Variants in GSG1L observed in about 807,000 individuals in gnomAD.
GSG1L encodes the protein GSG1 like.
GSG1L carries 24 observed loss-of-function variants against 42.1 expected under a neutral mutation model. The observed-to-expected ratio is 0.57, with a 90% CI of 0.41 to 0.80. The LOEUF is 0.80. Among genes scored for constraint, GSG1L ranks in the 30% least tolerant of loss-of-function variants. GSG1L has a pLI of 0.00. For synonymous variants in GSG1L, 215 were observed against 203.5 expected (o/e 1.06, Z -0.48); for missense variants, 445 against 472.2 (o/e 0.94, Z 0.53).
chr16:28,056,632 T>A (rs934785907), intron 1 of GSG1L, among the ~76,000 whole-genome samples: 7 of 147,376 alleles, frequency 4.7e-5, no homozygotes, highest in Non-Finnish European at 1.1e-4. Context: ...AAATATATAT[T>A]AAAAAAAAAA....
chr16:28,016,213 T>A (rs1171422561), intron 1 of GSG1L, among the ~76,000 whole-genome samples: 1 of 152,140 alleles, frequency 6.6e-6, no homozygotes, highest in Admixed American at 6.5e-5. Context: ...GGTCTTGAAC[T>A]CCTGACCTCA....
At chr16:27,856,401 A>G (rs2083578197) in intron 3 of GSG1L, among the ~76,000 whole-genome samples, 1 of 152,002 alleles carries the variant, frequency 6.6e-6, no homozygotes, top group Non-Finnish European at 1.5e-5. Flanking sequence ...GCAGCCTTCA[A>G]CTCCTGGGCT....
intron 6 of GSG1L, among the ~76,000 whole-genome samples, chr16:27,798,875 A>C (rs539484720): frequency 2.6e-4 from 39 of 152,250 alleles, no homozygotes; most frequent in African/African-American, 9.4e-4. Flanking sequence ...CCAAGGTCAC[A>C]AGCTTGTCCC....
chr16:27,836,249 G>T (rs780123078), intron 4 of GSG1L, among the ~76,000 whole-genome samples: 2 of 150,500 alleles, frequency 1.3e-5, no homozygotes, highest in Non-Finnish European at 3.0e-5. Context: ...CCTGTAGTTA[G>T]GGAGGATGTT....
intron 4 of GSG1L, among the ~76,000 whole-genome samples, chr16:27,834,131 GT>G (rs2083299043): frequency 1.3e-5 from 2 of 152,030 alleles, no homozygotes; most frequent in Non-Finnish European, 2.9e-5. Context: ...TTTTCTGAGA[GT>G]TTTTTAAAAA....
intron 1 of GSG1L, among the ~76,000 whole-genome samples, chr16:28,018,356 G>A (rs1405222944): frequency 1.3e-5 from 2 of 152,172 alleles, no homozygotes; most frequent in African/African-American, 2.4e-5. Flanking sequence ...TTCTCCTAGA[G>A]GCACAAGATG....
intron 1 of GSG1L, among the ~76,000 whole-genome samples, chr16:28,012,556 G>A (rs1428347871): frequency 2.7e-5 from 4 of 150,444 alleles, no homozygotes; most frequent in Non-Finnish European, 5.9e-5. Flanking sequence ...AACTTAGAGT[G>A]CAGATTGACC....
At chr16:28,014,912 A>C (rs2085762899) in intron 1 of GSG1L, among the ~76,000 whole-genome samples, 1 of 152,134 alleles carries the variant, frequency 6.6e-6, no homozygotes, top group African/African-American at 2.4e-5. Context: ...TCCTCTCGGG[A>C]AAGGAGCTGC....
intron 1 of GSG1L, among the ~76,000 whole-genome samples, chr16:28,017,570 A>G (rs527576308): frequency 1.3e-5 from 2 of 152,354 alleles, no homozygotes; most frequent in Non-Finnish European, 2.9e-5. Flanking sequence ...AGACATCTCA[A>G]CTGTCTGTCA....
intron 2 of GSG1L, among the ~76,000 whole-genome samples, chr16:27,943,325 C>T (rs1158881449): frequency 4.6e-5 from 7 of 151,820 alleles, no homozygotes; most frequent in Admixed American, 1.3e-4. Context: ...TGAAAATGAC[C>T]CAAATATCCA....
At chr16:27,849,861 G>T (rs1041268157) in intron 3 of GSG1L, among the ~76,000 whole-genome samples, 3 of 150,668 alleles carry the variant, frequency 2.0e-5, no homozygotes, top group Middle Eastern at 3.2e-3. Flanking sequence ...AATAGGACTC[G>T]CTGTTGGGCT....
At chr16:28,033,786 T>C (rs1244079964) in intron 1 of GSG1L, among the ~76,000 whole-genome samples, 2 of 152,216 alleles carry the variant, frequency 1.3e-5, no homozygotes, top group African/African-American at 2.4e-5. Flanking sequence ...TTAATATTGA[T>C]CATTATTATG....
At chr16:27,900,822 TA>T (rs58590954) in intron 2 of GSG1L, among the ~76,000 whole-genome samples, 99,720 of 147,222 alleles carry the variant, frequency 0.68, 34,277 homozygotes, top group South Asian at 0.79. Flanking sequence ...ATCAAAACAT[TA>T]AAAAAAAAAA....
chr16:27,850,460 T>C, intron 3 of GSG1L: 1 of 450,846 alleles, frequency 2.2e-6, no homozygotes, highest in South Asian at 1.6e-5. Flanking sequence ...AATAACACAA[T>C]GTGCCTAGAA....
chr16:27,829,460 C>A (rs1466751973), intron 4 of GSG1L, among the ~76,000 whole-genome samples: 1 of 152,126 alleles, frequency 6.6e-6, no homozygotes, highest in Non-Finnish European at 1.5e-5. Context: ...GGCAGACACC[C>A]TAAAAGCTCA....
chr16:27,960,796 C>G (rs949289025), intron 2 of GSG1L, among the ~76,000 whole-genome samples: 1 of 152,108 alleles, frequency 6.6e-6, no homozygotes, highest in Non-Finnish European at 1.5e-5. Context: ...ACAGCGAGTA[C>G]GTGAAAATCA....
intron 1 of GSG1L, among the ~76,000 whole-genome samples, chr16:27,980,901 C>CAAAAAAAAAAAAAAAAAAAAAAAAAA (rs11390148): frequency 7.9e-6 from 1 of 127,046 alleles, no homozygotes; most frequent in Non-Finnish European, 1.6e-5. Flanking sequence ...AACCAAAAAA[C>CAAAAAAAAAAAAAAAAAAAAAAAAAA]AAAAAAAAAA....
chr16:27,897,379 A>G (rs2084203569), intron 2 of GSG1L, among the ~76,000 whole-genome samples: 1 of 151,792 alleles, frequency 6.6e-6, no homozygotes, highest in Middle Eastern at 3.2e-3. Flanking sequence ...GCTCACTGCA[A>G]CCTCCAACTC....
chr16:27,979,769 G>A lies in GSG1L; in HGVS notation c.350-16566C>T, dbSNP rs373141333. Among the ~76,000 whole-genome samples, 219 of 43,114 alleles carry A rather than the reference G, an allele frequency of 5.1e-3. 3 individuals carry two copies. Among genetic ancestry groups the A allele is most frequent in the African/African-American group, 0.016 (155 of 9,838 alleles). 28.3% of individuals were successfully genotyped at this position (43,114 alleles called of 152,430 possible). On this transcript the variant is annotated intron_variant, in intron 1 of 6. Transcript: ENST00000447459. ...AGAAAGGAAAGAAAGAAAGAAAGAAGGAAAGAAAGAAAGAAAAAGAAAGAA... is the reference window on the plus strand; with the variant it reads ...AGAAAGGAAAGAAAGAAAGAAAGAAAGAAAGAAAGAAAGAAAAAGAAAGAA...
Sources: gnomAD v4.1 joint callset for allele counts (sites outside exome capture counted in the v4.1 genomes callset) on GRCh38, gnomAD v4.1.1 for gene constraint, MANE v1.5 for transcripts, NCBI Gene and HGNC (gene_info 2026-07-23, HGNC 2026-07-21) for gene names.